Variants in RPL23A observed in about 807,000 individuals in gnomAD.
RPL23A encodes large ribosomal subunit protein uL23.
In RPL23A, 2 loss-of-function variants were observed where a neutral mutation model predicts 17.6. That is an observed-to-expected ratio of 0.11 (90% CI 0.05 to 0.36). The LOEUF is 0.36. Ranked by LOEUF, RPL23A falls within the 10% of genes least tolerant of loss-of-function variation. The pLI is 1.00. For synonymous variants in RPL23A, 65 were observed against 74.3 expected (o/e 0.87, Z 0.65); for missense variants, 132 against 194.4 (o/e 0.68, Z 1.91).
chr17:28,724,129 G>A lies in RPL23A; in HGVS notation c.*248G>A. ...CTAGGAAAACCAGAACTCAGAACTT[G>A]CCTCCATGGTTGAGTAACAAGCTGT... is the stretch of plus-strand genomic sequence containing the variant. On this transcript the variant is annotated 3_prime_UTR_variant, in exon 5 of 5. Coordinates refer to ENST00000422514, the MANE Select transcript of RPL23A (RefSeq NM_000984.6). The A allele has an allele frequency of 3.9e-6, 2 of 509,260 alleles. No individual in the cohort carries two copies. Among genetic ancestry groups the A allele is most frequent in the Non-Finnish European group, 6.8e-6 (2 of 294,194 alleles). 31.5% of individuals were successfully genotyped at this position (509,260 alleles called of 1,614,324 possible).
chr17:28,720,090 A>G lies in RPL23A; in HGVS notation c.25+60A>G, dbSNP rs1157856251. ...CGGGGATTGCCGCGCCGCAGAGCGA[A>G]CGAATTGGGAACACGGCTGCTGGGC... On this transcript the variant is annotated intron_variant, in intron 1 of 4. Transcript: ENST00000422514. The G allele has an allele frequency of 3.9e-6, 6 of 1,545,846 alleles. No individual in the cohort carries two copies. The Admixed American group carries it at 5.9e-5, about 15-fold the overall frequency.
Position 28,720,803 on chromosome 17 carries a change from G to T in RPL23A, c.122G>T (p.Arg41Leu), listed in dbSNP as rs777466489. ...GVHSHKKKKI[R>L]TSPTFRRPKT... ...CACAGCCACAAAAAGAAGAAGATCC[G>T]CACGTCACCCACCTTCCGGCGGCCG... Residue 41 changes from arginine (R) to leucine (L), a missense_variant, in exon 2 of 5, where the codon CGC (arginine) becomes CTC (leucine). Around this residue, in one of 2 missense-constraint regions of RPL23A, gnomAD observed 63 missense variants for 48.9 expected, o/e 1.29. Coordinates refer to ENST00000422514, the MANE Select transcript of RPL23A (RefSeq NM_000984.6). The T allele has an allele frequency of 1.6e-5, 26 of 1,612,962 alleles. No homozygotes were observed. In the African/African-American group the frequency reaches 2.7e-4, roughly 17 times the overall value.
At chr17:28,720,648 G>C in intron 1 of RPL23A, 59 bp from the exon 2 acceptor site, 2 of 1,586,246 alleles carry the variant, frequency 1.3e-6, no homozygotes, top group Non-Finnish European at 8.7e-7. Context: ...GCAGTTCTTG[G>C]GGCCGGAAGT....
At position 28,722,888 on chromosome 17, in the gene RPL23A, C is replaced by T; in HGVS notation, c.375C>T (p.Asn125=). ...ATGACATTGATGTGGCCAAGGTCAA[C>T]ACCCTGATTCGGTGAGTTGGGCCTC... is the stretch of plus-strand genomic sequence containing the variant. ...KLYDIDVAKV[N]TLIRPDGEKK... The change falls in exon 3 of 5, where the codon AAC becomes AAT. Residue 125 remains asparagine, a synonymous_variant. Coordinates refer to ENST00000422514, the MANE Select transcript of RPL23A (RefSeq NM_000984.6). The T allele has an allele frequency of 6.2e-7, 1 of 1,613,782 alleles. No individual in the cohort carries two copies. Among genetic ancestry groups the T allele is most frequent in the South Asian group, 1.1e-5 (1 of 91,070 alleles).
intron 1 of RPL23A, 116 bp from the exon 2 acceptor site, chr17:28,720,591 T>C (rs1323995179): frequency 1.4e-6 from 2 of 1,384,532 alleles, no homozygotes; most frequent in African/African-American, 2.9e-5. Context: ...ACACTTGTGA[T>C]GTCTTCAAAG....
chr17:28,723,163 GT>G (rs1567753126), intron 3 of RPL23A: 1 of 531,988 alleles, frequency 1.9e-6, no homozygotes, highest in African/African-American at 1.9e-5. Context: ...GGGGAAAAAG[GT>G]TCCTTGACTT....
At chr17:28,723,211 G>A in intron 3 of RPL23A, 1 of 529,654 alleles carries the variant, frequency 1.9e-6, no homozygotes, top group South Asian at 2.1e-5. Context: ...TGTGAGCCTT[G>A]AGGCAGGAAT....
chr17:28,720,357 C>T, intron 1 of RPL23A: 3 of 1,554,800 alleles, frequency 1.9e-6, no homozygotes, highest in Non-Finnish European at 2.6e-6. Flanking sequence ...CAGCTTTAAC[C>T]ATTTTCCTTC....
chr17:28,722,506 G>GTA (rs1241768895), intron 2 of RPL23A: 1 of 702,486 alleles, frequency 1.4e-6, no homozygotes, highest in Admixed American at 1.8e-5. Flanking sequence ...ACTTGAGGTT[G>GTA]TAAGAGCCCT....
At chr17:28,721,437 T>C (rs965359160) in intron 2 of RPL23A, 1 of 156,660 alleles carries the variant, frequency 6.4e-6, no homozygotes, top group Non-Finnish European at 1.4e-5. Context: ...AAACTTATTT[T>C]GGGGGGAGTA....
At chr17:28,720,917 A>C in intron 2 of RPL23A, 27 bp downstream of exon 2, 1 of 1,594,748 alleles carries the variant, frequency 6.3e-7, no homozygotes, top group Non-Finnish European at 8.6e-7. Flanking sequence ...GTACCCATGA[A>C]AAGATTTGGG....
chr17:28,720,215 T>C, intron 1 of RPL23A, 185 bp downstream of exon 1: 4 of 1,533,932 alleles, frequency 2.6e-6, no homozygotes, highest in Non-Finnish European at 3.5e-6. Context: ...TGAGTTCCGG[T>C]AGAGGGAGTT....
At position 28,723,659 on chromosome 17, in the gene RPL23A, A is replaced by G. The variant is rs772173774; in HGVS notation, c.456+19A>G. 12 of 1,610,648 alleles carry G rather than the reference A, an allele frequency of 7.5e-6. No homozygotes were observed. Among genetic ancestry groups the G allele is most frequent in the East Asian group, 4.5e-5 (2 of 44,872 alleles). On this transcript the variant is annotated intron_variant, in intron 4 of 4. Transcript: ENST00000422514. ...CAACAAAGTAAGTTTCCTTCCTACA[A>G]ACCCCTTAATGCTCACCCCTTGGGT...
At chr17:28,722,132 A>AG (rs138468122) in intron 2 of RPL23A, among the ~76,000 whole-genome samples, 15,804 of 151,802 alleles carry the variant, frequency 0.1, 873 homozygotes, top group South Asian at 0.15. Flanking sequence ...CGCTAGTCCC[A>AG]CTACTGAGTC....
At position 28,722,969 on chromosome 17, in the gene RPL23A, A is replaced by G. The variant is rs1173548165; in HGVS notation, c.386+70A>G. On this transcript the variant is annotated intron_variant, in intron 3 of 4. Transcript: ENST00000422514. The stretch of plus-strand genomic sequence containing the variant: ...CTGGAGCCAAAAAAACCTGCATTCC[A>G]TGAAGCTTTTTGATGTTTAGGTAGT... The G allele has an allele frequency of 5.5e-6, 7 of 1,281,230 alleles. No homozygotes were observed. In the African/African-American group the frequency reaches 7.4e-5, roughly 13 times the overall value. 79.4% of individuals were successfully genotyped at this position (1,281,230 alleles called of 1,614,324 possible). A position where few individuals can be genotyped will look rare whatever the true frequency, so the allele number is the denominator to read the frequency against.
intron 1 of RPL23A, chr17:28,720,295 C>A (rs2034088800): frequency 6.5e-7 from 1 of 1,550,026 alleles, no homozygotes; most frequent in Non-Finnish European, 8.7e-7. Flanking sequence ...AAGCTACATG[C>A]ATCCACTGGT....
intron 1 of RPL23A, 97 bp downstream of exon 1, chr17:28,720,127 G>A: frequency 6.5e-7 from 1 of 1,534,232 alleles, no homozygotes. Context: ...AAGCCCTGAG[G>A]GCTCTGCTCC....
intron 2 of RPL23A, among the ~76,000 whole-genome samples, chr17:28,722,242 T>C (rs1468848496): frequency 1.2e-5 from 1 of 83,576 alleles, no homozygotes; most frequent in East Asian, 4.1e-4. Flanking sequence ...CGAGACTCTG[T>C]CTCAAAAAAA....
At chr17:28,720,229 G>GA (rs899667613) in intron 1 of RPL23A, 199 bp downstream of exon 1, 1 of 1,539,182 alleles carries the variant, frequency 6.5e-7, no homozygotes, top group East Asian at 2.5e-5. Flanking sequence ...GGGAGTTGGG[G>GA]GGGGGCAACG....
Sources: gnomAD v4.1 joint callset for allele counts (sites outside exome capture counted in the v4.1 genomes callset) on GRCh38, gnomAD v4.1.1 for gene constraint, gnomAD v4.1.1 regional missense constraint, MANE v1.5 for transcripts, NCBI Gene and HGNC (gene_info 2026-07-23, HGNC 2026-07-21) for gene names.